Variants in EPB41L3 observed in about 807,000 individuals in gnomAD.
The protein encoded by EPB41L3 is erythrocyte membrane protein band 4.1 like 3.
EPB41L3 carries 57 observed loss-of-function variants against 127.1 expected under a neutral mutation model. The ratio of observed to expected loss-of-function variants is 0.45; its 90% confidence interval spans 0.36 to 0.56. The LOEUF is 0.56. EPB41L3 is among the 20% of genes least tolerant of loss of function. The pLI, the probability that EPB41L3 is intolerant of heterozygous loss-of-function variation, is 0.00. For synonymous variants in EPB41L3, 572 were observed against 549.5 expected, an observed-to-expected ratio of 1.04 and a Z score of -0.57; for missense variants, 1,273 against 1,372.2, an observed-to-expected ratio of 0.93 and a Z score of 1.14.
intron 1 of EPB41L3, chr18:5,521,562 G>A (rs938019548): frequency 2.0e-5 from 3 of 152,182 alleles, no homozygotes; most frequent in Admixed American, 1.3e-4. Flanking sequence ...TACAGTATTT[G>A]TATTGACAAA....
At chr18:5,629,189 C>G (rs2094958879), upstream of EPB41L3, among the ~76,000 whole-genome samples, 2 of 152,076 alleles carry the variant, frequency 1.3e-5, no homozygotes, top group South Asian at 4.1e-4. Flanking sequence ...CTCGATCCCC[C>G]ACCCGCACCC....
chr18:5,503,446 C>T (rs2091908518), intron 1 of EPB41L3, among the ~76,000 whole-genome samples: 1 of 152,182 alleles, frequency 6.6e-6, no homozygotes, highest in Non-Finnish European at 1.5e-5. Context: ...GGTTCCACGT[C>T]CACCAATTCA....
rs2143835794 is a variant in EPB41L3, at chr18:5,398,117, G to GAGCTT, written c.2371_2375dup (p.Met793SerfsTer12). ...AACTGAAGATTTCAGAGCCATCCAT[G>GAGCTT]AGCTTTTCCCCAGAAGACTGCTTAG... On this transcript the variant is annotated frameshift_variant, in exon 17 of 23. Transcript: ENST00000341928. LOFTEE classifies it high-confidence loss of function. 6.2e-7 allele frequency: 1 copy of GAGCTT among 1,614,108 alleles called. No individual in the cohort carries two copies. The highest frequency in any genetic ancestry group is 1.1e-5 in the South Asian group (1 of 91,082).
chr18:5,521,655 C>T (rs139496565), intron 1 of EPB41L3, among the ~76,000 whole-genome samples: 23 of 152,268 alleles, frequency 1.5e-4, no homozygotes, highest in African/African-American at 5.1e-4. Context: ...TCATTTAACT[C>T]CTCAAACTTT....
At chr18:5,596,757 A>G (rs933127303) in intron 3 of EPB41L3, among the ~76,000 whole-genome samples, 6 of 152,206 alleles carry the variant, frequency 3.9e-5, no homozygotes, top group Non-Finnish European at 8.8e-5. Context: ...CTTTTAAAAT[A>G]AAAACATTAC....
rs993509883 is a variant in EPB41L3 at position 5,395,840 on chromosome 18, A to C, written c.2974-133T>G. Reference sequence around the variant, plus strand: ...CAATCATTATGCTCTTCAGAGTCTGAGCGCTGCTCCCAAGAATAAGTACTA... The same window carrying C: ...CAATCATTATGCTCTTCAGAGTCTGCGCGCTGCTCCCAAGAATAAGTACTA... On this transcript the variant is annotated intron_variant, in intron 19 of 22. Transcript: ENST00000341928. 9.8e-6 allele frequency: 7 copies of C among 715,408 alleles called. No homozygotes were observed. The African/African-American group carries it at 1.2e-4, about 13-fold the overall frequency. The allele number at this position is 715,408 out of a possible 1,614,324, so 44.3% of individuals were successfully genotyped here. A position where few individuals can be genotyped will look rare whatever the true frequency, so the allele number is the denominator to read the frequency against.
chr18:5,417,283 G>A (rs2076941215), intron 12 of EPB41L3, among the ~76,000 whole-genome samples: 1 of 152,122 alleles, frequency 6.6e-6, no homozygotes, highest in African/African-American at 2.4e-5. Context: ...ATAAAAGCAG[G>A]GTTTTCCACA....
At chr18:5,627,372 A>C (rs538787543) in intron 1 of EPB41L3, among the ~76,000 whole-genome samples, 27 of 152,216 alleles carry the variant, frequency 1.8e-4, no homozygotes, top group Non-Finnish European at 3.5e-4. Context: ...CACTTCTGAA[A>C]GTAGTGAGAT....
At chr18:5,618,951 C>T (rs4798379) in intron 1 of EPB41L3, among the ~76,000 whole-genome samples, 31,791 of 152,132 alleles carry the variant, frequency 0.21, 3,557 homozygotes, top group Non-Finnish European at 0.25. Context: ...TAACACCAAA[C>T]AGGGTATTTG....
chr18:5,505,728 T>C (rs1598416001), intron 1 of EPB41L3, among the ~76,000 whole-genome samples: 1 of 92,386 alleles, frequency 1.1e-5, no homozygotes, highest in East Asian at 3.8e-4. Flanking sequence ...CCTCCACCCC[T>C]ACCATCCACA....
intron 16 of EPB41L3, 88 bp from the exon 17 acceptor site, chr18:5,398,231 G>T: frequency 6.7e-7 from 1 of 1,484,682 alleles, no homozygotes; most frequent in Non-Finnish European, 9.2e-7. Context: ...AGACAAAATC[G>T]TAGGCAGAGG....
chr18:5,492,091 G>T (rs762013888), intron 1 of EPB41L3, among the ~76,000 whole-genome samples: 3 of 152,080 alleles, frequency 2.0e-5, no homozygotes, highest in Non-Finnish European at 4.4e-5. Context: ...AGGCCGAGGC[G>T]GGTGGATCAC....
At chr18:5,499,114 C>A (rs534617605) in intron 1 of EPB41L3, among the ~76,000 whole-genome samples, 3 of 152,262 alleles carry the variant, frequency 2.0e-5, no homozygotes. Flanking sequence ...TCGGAAGACA[C>A]AGGTGGGGAT....
intron 1 of EPB41L3, among the ~76,000 whole-genome samples, chr18:5,499,922 G>A (rs866660111): frequency 6.6e-6 from 1 of 151,282 alleles, no homozygotes; most frequent in Non-Finnish European, 1.5e-5. Context: ...CTGTCATTCT[G>A]TCACAGGTTG....
In EPB41L3 at chr18:5,413,248, G is replaced by A. The variant is rs561079566; in HGVS notation, c.2067+2570C>T. Among the ~76,000 whole-genome samples, 4 of 152,174 alleles carry A rather than the reference G, an allele frequency of 2.6e-5. 1 individual carries two copies. In the South Asian group the frequency reaches 8.3e-4, roughly 32 times the overall value. On this transcript the variant is annotated intron_variant, in intron 13 of 22. Coordinates refer to ENST00000341928, the MANE Select transcript of EPB41L3 (RefSeq NM_012307.5). ...CAAAAAATTACTCAGAAATACACAT[G>A]TAATTGCATTTTATGGTTTGGGGAG...
At chr18:5,542,830 G>T (rs1390092421) in intron 1 of EPB41L3, among the ~76,000 whole-genome samples, 1 of 152,240 alleles carries the variant, frequency 6.6e-6, no homozygotes, top group Non-Finnish European at 1.5e-5. Context: ...CCACCGCATT[G>T]CAGAAGCCAT....
At chr18:5,538,780 T>C (rs112229031) in intron 1 of EPB41L3, among the ~76,000 whole-genome samples, 17 of 152,142 alleles carry the variant, frequency 1.1e-4, no homozygotes, top group African/African-American at 1.7e-4. Flanking sequence ...CTGCAGTTCT[T>C]CCCTCAAAGA....
intron 14 of EPB41L3, 91 bp downstream of exon 14, chr18:5,410,475 A>G: frequency 1.1e-6 from 1 of 895,930 alleles, no homozygotes; most frequent in Non-Finnish European, 1.9e-6. Flanking sequence ...CTCCATTACA[A>G]CAGCTCATAT....
At chr18:5,517,189 G>A (rs762815407) in intron 1 of EPB41L3, among the ~76,000 whole-genome samples, 31 of 152,122 alleles carry the variant, frequency 2.0e-4, no homozygotes, top group Non-Finnish European at 3.2e-4. Context: ...GAACAAATCA[G>A]AGGATGCAGC....
Sources: gnomAD v4.1 joint callset for allele counts (sites outside exome capture counted in the v4.1 genomes callset) on GRCh38, gnomAD v4.1.1 for gene constraint, MANE v1.5 for transcripts, NCBI Gene and HGNC (gene_info 2026-07-23, HGNC 2026-07-21) for gene names.